The following RAB27A variants were observed in gnomAD, a reference collection of about 807,000 sequenced individuals.
RAB27A encodes RAB27A, member RAS oncogene family, also known as ras-related protein Rab-27A.
A neutral mutation model predicts 20.8 loss-of-function variants in RAB27A; 17 were observed. That is an observed-to-expected ratio of 0.82 (90% CI 0.56 to 1.23). The LOEUF is 1.23. RAB27A is among the 50% of genes most tolerant of loss of function. The pLI is 0.00. For missense variants in RAB27A, 277 were observed against 266.7 expected, an observed-to-expected ratio of 1.04 and a Z score of -0.27; for synonymous variants, 85 against 92.8, an observed-to-expected ratio of 0.92 and a Z score of 0.48.
At chr15:55,315,659 A>G (rs1237649029) in intron 1 of RAB27A, among the ~76,000 whole-genome samples, 4 of 152,244 alleles carry the variant, frequency 2.6e-5, no homozygotes, top group Non-Finnish European at 4.4e-5. Context: ...AAAAAAGCTC[A>G]TCATCACTTG....
Position 55,217,795 on chromosome 15 carries a change from T to C in RAB27A, c.467+6094A>G, listed in dbSNP as rs762425163. 2.6e-4 allele frequency among the ~76,000 whole-genome samples: 39 copies of C among 151,812 alleles called. 1 individual carries two copies. Among genetic ancestry groups the C allele is most frequent in the Admixed American group, 7.9e-4 (12 of 15,264 alleles). On this transcript the variant is annotated intron_variant, in intron 6 of 6. Transcript: ENST00000336787. Reference sequence around the variant, plus strand: ...AATGTAGCACCACCATGGAGCCGTATTGCCAAAGACGAAAAAATTCAGCAC... The same window carrying C: ...AATGTAGCACCACCATGGAGCCGTACTGCCAAAGACGAAAAAATTCAGCAC...
intron 1 of RAB27A, among the ~76,000 whole-genome samples, chr15:55,281,520 T>G (rs1898014925): frequency 6.6e-6 from 1 of 152,148 alleles, no homozygotes; most frequent in Admixed American, 6.5e-5. Context: ...GAGACCAGCC[T>G]GGCCAACATA....
chr15:55,281,556 A>G (rs1898015726), intron 1 of RAB27A, among the ~76,000 whole-genome samples: 1 of 152,138 alleles, frequency 6.6e-6, no homozygotes. Context: ...TATTAAAAAT[A>G]CAAAAATTAG....
intron 6 of RAB27A, among the ~76,000 whole-genome samples, chr15:55,215,483 T>C (rs1326858070): frequency 6.7e-6 from 1 of 148,734 alleles, no homozygotes; most frequent in Admixed American, 6.7e-5. Context: ...AAACCCCGTC[T>C]CTACTAAAAA....
intron 2 of RAB27A, among the ~76,000 whole-genome samples, chr15:55,241,624 A>G (rs181522026): frequency 0.014 from 1,684 of 117,640 alleles, 52 homozygotes; most frequent in Middle Eastern, 0.039. Context: ...ATATATATAT[A>G]TGTGTGTATA....
At chr15:55,289,474 C>G (rs1014950723) in intron 1 of RAB27A, 1 of 152,662 alleles carries the variant, frequency 6.6e-6, no homozygotes, top group South Asian at 2.1e-4. Context: ...CGGAGGCGAT[C>G]TGAGACCCTG....
At chr15:55,238,447 C>G (rs1566913600) in intron 2 of RAB27A, 1 of 152,118 alleles carries the variant, frequency 6.6e-6, no homozygotes, top group Non-Finnish European at 1.5e-5. Context: ...TCCCAGATAC[C>G]AATTACTTGG....
In RAB27A at chr15:55,313,235, G is replaced by C. The variant is rs540067885; in HGVS notation, c.-112+804C>G. On this transcript the variant is annotated intron_variant, in intron 2 of 5. Transcript: ENST00000563262. The stretch of plus-strand genomic sequence containing the variant: ...GATTAAGACCAGACTAGGCCACAGA[G>C]TGAGACCCCATTTCTACAAAGATTT... 2.0e-5 allele frequency among the ~76,000 whole-genome samples: 3 copies of C among 152,324 alleles called. No individual in the cohort carries two copies. The South Asian group carries it at 6.2e-4, about 32-fold the overall frequency.
At chr15:55,269,171 T>G (rs1428816443) in intron 2 of RAB27A, among the ~76,000 whole-genome samples, 1 of 152,196 alleles carries the variant, frequency 6.6e-6, no homozygotes, top group Admixed American at 6.5e-5. Context: ...TCACACAGTT[T>G]TAAAGCCACC....
At chr15:55,287,651 G>T (rs1341449893) in intron 1 of RAB27A, among the ~76,000 whole-genome samples, 1 of 152,030 alleles carries the variant, frequency 6.6e-6, no homozygotes, top group African/African-American at 2.4e-5. Context: ...GGAGGATGAG[G>T]CAGGAGAATC....
rs73409838 is a variant in RAB27A at position 55,208,509 on chromosome 15, A to G, written c.468-2804T>C. Among the ~76,000 whole-genome samples the G allele has an allele frequency of 3.4e-3, 513 of 152,306 alleles. 2 individuals carry two copies. Among genetic ancestry groups the G allele is most frequent in the African/African-American group, 0.011 (469 of 41,562 alleles). ...TCATCCTTCTGTTCTGCCATCCTCC[A>G]CATGTCAGCTTTCTCCACAATCTGA... On this transcript the variant is annotated intron_variant, in intron 6 of 6. Coordinates refer to ENST00000336787, the MANE Select transcript of RAB27A (RefSeq NM_183235.3).
intron 2 of RAB27A, among the ~76,000 whole-genome samples, chr15:55,240,719 C>T (rs1896445385): frequency 6.6e-6 from 1 of 152,146 alleles, no homozygotes; most frequent in South Asian, 2.1e-4. Context: ...GCCTTGGGCT[C>T]CTCACCTGTA....
chr15:55,209,870 A>G lies in RAB27A; in HGVS notation c.468-4165T>C, dbSNP rs911474521. Among the ~76,000 whole-genome samples the G allele has an allele frequency of 7.3e-3, 56 of 7,670 alleles. 6 individuals are homozygous for G. In the East Asian group the frequency reaches 0.15, roughly 20 times the overall value. The allele number at this position is 7,670 out of a possible 152,430, so 5.0% of individuals were successfully genotyped here. A position where few individuals can be genotyped will look rare whatever the true frequency, so the allele number is the denominator to read the frequency against. ...CATATATGTGTGTATATACATATATACATATATGTGTGTGTATACATATAT... is the reference window on the plus strand; with the variant it reads ...CATATATGTGTGTATATACATATATGCATATATGTGTGTGTATACATATAT... On this transcript the variant is annotated intron_variant, in intron 6 of 6. Transcript: ENST00000336787.
At chr15:55,274,818 A>ATATATATATATATATG (rs1897814357) in intron 1 of RAB27A, among the ~76,000 whole-genome samples, 1 of 138,056 alleles carries the variant, frequency 7.2e-6, no homozygotes, top group African/African-American at 2.6e-5. Context: ...ATATATATAT[A>ATATATATATATATATG]TATATATGTA....
chr15:55,229,626 G>C (rs533424474), intron 4 of RAB27A, among the ~76,000 whole-genome samples: 1 of 151,566 alleles, frequency 6.6e-6, no homozygotes, highest in South Asian at 2.1e-4. Context: ...GGTGAGCTGA[G>C]ATCACGTCAG....
At chr15:55,301,026 C>T (rs1595755001) in intron 2 of RAB27A, among the ~76,000 whole-genome samples, 1 of 152,158 alleles carries the variant, frequency 6.6e-6, no homozygotes, top group Non-Finnish European at 1.5e-5. Flanking sequence ...ACTTTGATGG[C>T]CACTGGATAC....
chr15:55,249,172 C>T (rs62018089), intron 2 of RAB27A: 2 of 152,206 alleles, frequency 1.3e-5, no homozygotes, highest in Admixed American at 1.3e-4. Context: ...TGTCAGATTA[C>T]AGTTGGCTTT....
At position 55,263,078 on chromosome 15, in the gene RAB27A, T is replaced by C. The variant is rs546250857; in HGVS notation, c.-23+7087A>G. On this transcript the variant is annotated intron_variant, in intron 2 of 6. Coordinates refer to ENST00000336787, the MANE Select transcript of RAB27A (RefSeq NM_183235.3). ...GTTAATTTACCAGCTTTTATATTTA[T>C]TCCGCCTTTGATATTTTTCTTTCCT... is the stretch of plus-strand genomic sequence containing the variant. Among the ~76,000 whole-genome samples the C allele has an allele frequency of 6.2e-4, 95 of 152,326 alleles. 1 individual carries two copies. Among genetic ancestry groups the C allele is most frequent in the African/African-American group, 2.3e-3 (95 of 41,574 alleles).
intron 1 of RAB27A, among the ~76,000 whole-genome samples, chr15:55,284,010 G>A (rs562572420): frequency 1.2e-4 from 18 of 152,236 alleles, no homozygotes; most frequent in Admixed American, 5.9e-4. Flanking sequence ...TTTCAGTCTC[G>A]TGGCAACCAA....
Sources: allele counts gnomAD v4.1 joint callset (sites outside exome capture counted in the v4.1 genomes callset), GRCh38; gene constraint gnomAD v4.1.1; transcripts MANE v1.5; gene names NCBI Gene and HGNC (gene_info 2026-07-23, HGNC 2026-07-21).